Variants in CAPS2 observed in about 807,000 individuals in gnomAD.
CAPS2 encodes calcyphosine 2, also known as calcyphosin-2.
CAPS2 carries 98 observed loss-of-function variants against 86.5 expected under a neutral mutation model. The observed-to-expected ratio is 1.13, with a 90% CI of 0.96 to 1.34. The LOEUF (loss-of-function observed/expected upper bound fraction) is 1.34. Among genes scored for constraint, CAPS2 ranks in the 40% most tolerant of loss-of-function variants. CAPS2 has a pLI of 0.00. For synonymous variants in CAPS2, 210 were observed against 225.1 expected (o/e 0.93, Z 0.60); for missense variants, 729 against 686.8 (o/e 1.06, Z -0.69).
At chr12:75,383,069 A>G (rs2045087654) in intron 1 of CAPS2, among the ~76,000 whole-genome samples, 2 of 152,230 alleles carry the variant, frequency 1.3e-5, no homozygotes, top group Non-Finnish European at 2.9e-5. Context: ...GAAAATGTAC[A>G]CAACCTGTGA....
chr12:75,282,672 C>T (rs1029483592), intron 15 of CAPS2, among the ~76,000 whole-genome samples: 1 of 152,168 alleles, frequency 6.6e-6, no homozygotes, highest in Non-Finnish European at 1.5e-5. Flanking sequence ...TAGGCATGAG[C>T]CACCACGTCC....
chr12:75,341,453 CT>C (rs1172525970), intron 1 of CAPS2, among the ~76,000 whole-genome samples: 1 of 151,624 alleles, frequency 6.6e-6, no homozygotes, highest in Non-Finnish European at 1.5e-5. Context: ...TTTTCTTTTT[CT>C]TTTTTTCTTT....
intron 1 of CAPS2, among the ~76,000 whole-genome samples, chr12:75,349,957 C>A (rs551213062): frequency 1.3e-5 from 2 of 152,216 alleles, no homozygotes; most frequent in Non-Finnish European, 2.9e-5. Flanking sequence ...TGCTGGCCAG[C>A]GGGGCAGGCT....
At chr12:75,318,456 T>G (rs949517272) in intron 5 of CAPS2, among the ~76,000 whole-genome samples, 9 of 152,154 alleles carry the variant, frequency 5.9e-5, no homozygotes, top group African/African-American at 2.2e-4. Flanking sequence ...GTCCCTGATC[T>G]GCCTCCCAAA....
downstream of CAPS2, chr12:75,276,056 T>G (rs1288186679): frequency 1.4e-6 from 1 of 717,640 alleles, no homozygotes; most frequent in Non-Finnish European, 2.0e-6. Flanking sequence ...AACTTTAAAA[T>G]AAAAATGGAA....
intron 9 of CAPS2, 50 bp from the exon 10 acceptor site, chr12:75,299,016 A>G (rs769943730): frequency 2.5e-6 from 3 of 1,198,356 alleles, no homozygotes. Flanking sequence ...TAATTTTTAG[A>G]TGAATTAACT....
intron 7 of CAPS2, chr12:75,305,725 G>A: frequency 1.5e-6 from 1 of 684,168 alleles, no homozygotes; most frequent in South Asian, 1.4e-5. Context: ...AGCTCGTGTG[G>A]TACATGCGGG....
chr12:75,330,834 G>A (rs1385991091), upstream of CAPS2, among the ~76,000 whole-genome samples: 1 of 151,506 alleles, frequency 6.6e-6, no homozygotes, highest in Non-Finnish European at 1.5e-5. Context: ...GCCCAGGCTG[G>A]AGTGCAATGG....
chr12:75,378,706 C>T lies in CAPS2; in HGVS notation c.-395+12132G>A, dbSNP rs1435605662. On this transcript the variant is annotated intron_variant, in intron 1 of 5. Transcript: ENST00000551829. The stretch of plus-strand genomic sequence containing the variant: ...GTCCACTCACATCAAAAAGGATAAT[C>T]TGATTTACTTGAAGTCAACTGATTA... Among the ~76,000 whole-genome samples the T allele has an allele frequency of 2.0e-5, 3 of 152,182 alleles. No homozygotes were observed. The East Asian group carries it at 5.8e-4, about 29-fold the overall frequency.
chr12:75,332,166 TAA>T (rs1477989290), upstream of CAPS2, among the ~76,000 whole-genome samples: 1 of 152,224 alleles, frequency 6.6e-6, no homozygotes, highest in African/African-American at 2.4e-5. Context: ...TGCCAATCTT[TAA>T]ATTCATTACT....
intron 16 of CAPS2, among the ~76,000 whole-genome samples, chr12:75,281,005 T>G (rs1241568606): frequency 1.3e-5 from 2 of 151,920 alleles, no homozygotes; most frequent in African/African-American, 2.4e-5. Context: ...CATAAAATAT[T>G]GTCAATAAAT....
intron 1 of CAPS2, among the ~76,000 whole-genome samples, chr12:75,354,400 A>G (rs1158261012): frequency 6.6e-6 from 1 of 152,176 alleles, no homozygotes; most frequent in Non-Finnish European, 1.5e-5. Context: ...AAAGAGAATA[A>G]GATACCTAGG....
At chr12:75,283,869 T>C (rs987312267) in intron 15 of CAPS2, among the ~76,000 whole-genome samples, 2 of 151,992 alleles carry the variant, frequency 1.3e-5, no homozygotes, top group Non-Finnish European at 2.9e-5. Flanking sequence ...GGGAAGACCA[T>C]GTGAGGACAC....
chr12:75,340,968 A>C (rs977885524), intron 1 of CAPS2, among the ~76,000 whole-genome samples: 9 of 152,118 alleles, frequency 5.9e-5, no homozygotes. Flanking sequence ...GATCAGTCTT[A>C]CTTTTCTGGT....
intron 8 of CAPS2, 109 bp downstream of exon 8, chr12:75,304,648 A>G: frequency 1.2e-6 from 1 of 822,890 alleles, no homozygotes; most frequent in South Asian, 2.9e-5. Flanking sequence ...TTCTTTATAT[A>G]GAAAAAAGTG....
At chr12:75,363,191 G>C in intron 1 of CAPS2, 1 of 1,388,604 alleles carries the variant, frequency 7.2e-7, no homozygotes, top group Non-Finnish European at 9.6e-7. Flanking sequence ...AACCTCTGCA[G>C]TAAGCAAAAA....
At chr12:75,358,445 A>G (rs1045468511) in intron 1 of CAPS2, among the ~76,000 whole-genome samples, 2 of 151,544 alleles carry the variant, frequency 1.3e-5, no homozygotes, top group African/African-American at 4.8e-5. Flanking sequence ...CAGTTAATCA[A>G]CCTGAAAATA....
At chr12:75,322,858 A>G (rs1322124617) in intron 4 of CAPS2, 1 of 606,960 alleles carries the variant, frequency 1.6e-6, no homozygotes, top group Admixed American at 3.0e-5. Flanking sequence ...TATTTCACCA[A>G]CCTTATGGTT....
chr12:75,354,420 A>G (rs527341512), intron 1 of CAPS2, among the ~76,000 whole-genome samples: 139 of 150,878 alleles, frequency 9.2e-4, no homozygotes, highest in African/African-American at 3.2e-3. Flanking sequence ...GAATACAGCT[A>G]AAAAAAAAGT....
Sources: allele counts gnomAD v4.1 joint callset (sites outside exome capture counted in the v4.1 genomes callset), GRCh38; gene constraint gnomAD v4.1.1; transcripts MANE v1.5; gene names NCBI Gene and HGNC (gene_info 2026-07-23, HGNC 2026-07-21).